The following EFEMP1 variants were observed in gnomAD, a reference collection of about 807,000 sequenced individuals.
EFEMP1 encodes the protein EGF-containing fibulin-like extracellular matrix protein 1.
In EFEMP1, 18 loss-of-function variants were observed where a neutral mutation model predicts 65.7. That is an observed-to-expected ratio of 0.27 (90% CI 0.19 to 0.41). The LOEUF (loss-of-function observed/expected upper bound fraction) is 0.41. Ranked by LOEUF, EFEMP1 falls within the 10% of genes least tolerant of loss-of-function variation. The pLI, the probability that EFEMP1 is intolerant of heterozygous loss-of-function variation, is 1.00. For synonymous variants in EFEMP1, 237 were observed against 219.7 expected (o/e 1.08, Z -0.70); for missense variants, 469 against 624.8 (o/e 0.75, Z 2.66).
intron 5 of EFEMP1, among the ~76,000 whole-genome samples, chr2:55,912,639 G>C (rs1183422926): frequency 6.6e-6 from 1 of 152,098 alleles, no homozygotes; most frequent in Non-Finnish European, 1.5e-5. Flanking sequence ...TTTTAAATTT[G>C]AACCCTATGT....
At chr2:55,880,854 C>T (rs1425104278) in intron 6 of EFEMP1, among the ~76,000 whole-genome samples, 2 of 152,180 alleles carry the variant, frequency 1.3e-5, no homozygotes, top group East Asian at 1.9e-4. Flanking sequence ...ATAGAGCCTC[C>T]ATCACATGGT....
At chr2:55,918,768 T>G (rs1486464777) in intron 3 of EFEMP1, among the ~76,000 whole-genome samples, 2 of 145,164 alleles carry the variant, frequency 1.4e-5, no homozygotes, top group African/African-American at 5.0e-5. Context: ...CTTCAGCTCC[T>G]AAGGAACAGA....
intron 3 of EFEMP1, among the ~76,000 whole-genome samples, chr2:55,920,429 C>A (rs898014413): frequency 5.9e-5 from 9 of 152,168 alleles, no homozygotes; most frequent in Admixed American, 3.3e-4. Context: ...CAAACAAATT[C>A]TTTTAATAGT....
At chr2:55,872,620 A>T (rs1443470035) in intron 9 of EFEMP1, among the ~76,000 whole-genome samples, 1 of 152,086 alleles carries the variant, frequency 6.6e-6, no homozygotes, top group Non-Finnish European at 1.5e-5. Flanking sequence ...TAAATAATTC[A>T]TGCCTTGACT....
At chr2:55,893,167 A>C (rs1669697599) in intron 5 of EFEMP1, among the ~76,000 whole-genome samples, 1 of 152,280 alleles carries the variant, frequency 6.6e-6, no homozygotes, top group East Asian at 1.9e-4. Context: ...TGAGTTTCAG[A>C]ATTAGAGGAA....
chr2:55,894,819 G>T (rs1281643998), intron 5 of EFEMP1, among the ~76,000 whole-genome samples: 1 of 152,138 alleles, frequency 6.6e-6, no homozygotes, highest in East Asian at 1.9e-4. Flanking sequence ...AAAAATGAAA[G>T]AACTTAAGGC....
Position 55,867,169 on chromosome 2 carries a change from G to C in EFEMP1, c.1386C>G (p.Ile462Met). Residue 462 changes from isoleucine (I) to methionine (M), a missense_variant, in exon 12 of 12, where the codon ATC (isoleucine) becomes ATG (methionine). By Grantham distance (10) the Ile-to-Met change is conservative. Around this residue, in one of 3 missense-constraint regions of EFEMP1, gnomAD observed 399 missense variants for 528.2 expected, o/e 0.76. Transcript: ENST00000355426. The surrounding 1 kb of genome is among the most constrained non-coding windows in gnomAD (Gnocchi z 4.3). ...TGACTGTCAGCATCTCCAGGTCCAC[G>C]ATATGTTCTCTTGGTCCTGATAATG... Reference protein sequence around the residue: ...VKSLSGPREHIVDLEMLTVSS... With the variant: ...VKSLSGPREHMVDLEMLTVSS... 1 of 1,613,994 alleles carries C rather than the reference G, an allele frequency of 6.2e-7. No homozygotes were observed. Among genetic ancestry groups the C allele is most frequent in the African/African-American group, 1.3e-5 (1 of 75,036 alleles).
In EFEMP1 at chr2:55,885,006, T is replaced by C. The variant is rs116711550; in HGVS notation, c.518-3272A>G. 3.5e-3 allele frequency among the ~76,000 whole-genome samples: 537 copies of C among 152,314 alleles called. 2 individuals carry two copies. The highest frequency in any genetic ancestry group is 0.012 in the African/African-American group (493 of 41,562). The stretch of plus-strand genomic sequence containing the variant: ...TTCAGGAAAAGTAGGATCAGTGTTT[T>C]ACCTAATGGAGCTAAAAATGTATGA... On this transcript the variant is annotated intron_variant, in intron 5 of 11. Coordinates refer to ENST00000355426, the MANE Select transcript of EFEMP1 (RefSeq NM_001039348.3). The surrounding 1 kb of genome is among the most constrained non-coding windows in gnomAD (Gnocchi z 4.3).
rs180734757 is a variant in EFEMP1, at chr2:55,898,241, G to C, written c.518-16507C>G. On this transcript the variant is annotated intron_variant, in intron 5 of 11. Transcript: ENST00000355426. ...TACACCATCTTGTTAATTTGTAATT[G>C]ATGCTTATCTTTGTAATACCTACGA... Among the ~76,000 whole-genome samples the C allele has an allele frequency of 1.6e-3, 237 of 152,242 alleles. 1 individual carries two copies. Among genetic ancestry groups the C allele is most frequent in the African/African-American group, 5.3e-3 (220 of 41,550 alleles).
At chr2:55,915,688 T>C (rs1422374468) in intron 5 of EFEMP1, among the ~76,000 whole-genome samples, 1 of 152,158 alleles carries the variant, frequency 6.6e-6, no homozygotes, top group African/African-American at 2.4e-5. Flanking sequence ...TAATTCAGTA[T>C]ATAAAAGTTG....
rs746396165 is a variant in EFEMP1 at position 55,918,048 on chromosome 2, A to G, written c.134T>C (p.Ile45Thr). The G allele has an allele frequency of 3.7e-5, 60 of 1,614,114 alleles. No homozygotes were observed. The highest frequency in any genetic ancestry group is 4.7e-5 in the Non-Finnish European group (56 of 1,180,054). The change falls in exon 5 of 12, where the codon ATT becomes ACT. Residue 45 changes from isoleucine to threonine, a missense_variant. By Grantham distance (89) the Ile-to-Thr change is moderately conservative. This residue lies in a region of EFEMP1 where 66 missense variants were observed against 73.0 expected (regional missense o/e 0.90). Transcript: ENST00000355426. ...GTCTGGGACAATGTCACATTCATCA[A>G]TATCTGTGGTCAGTAATAAAATAAG... Reference protein sequence around the residue: ...WDPVRQQCKDIDECDIVPDAC... With the variant: ...WDPVRQQCKDTDECDIVPDAC...
chr2:55,878,803 C>T (rs1235619812), intron 6 of EFEMP1, among the ~76,000 whole-genome samples: 1 of 152,114 alleles, frequency 6.6e-6, no homozygotes, highest in Non-Finnish European at 1.5e-5. Flanking sequence ...CTTAACTTCT[C>T]GAGCTTGCAT....
chr2:55,875,333 TATACACAC>T (rs1668987316), intron 8 of EFEMP1, among the ~76,000 whole-genome samples: 1 of 126,880 alleles, frequency 7.9e-6, no homozygotes, highest in African/African-American at 3.1e-5. Flanking sequence ...GGGTTTCATA[TATACACAC>T]ACACACACAC....
chr2:55,915,194 C>T (rs1223257447), intron 5 of EFEMP1, among the ~76,000 whole-genome samples: 2 of 152,160 alleles, frequency 1.3e-5, no homozygotes, highest in Non-Finnish European at 2.9e-5. Flanking sequence ...ACTTTTAACC[C>T]TGCTTTCAAT....
At chr2:55,906,904 A>G (rs1670301905) in intron 5 of EFEMP1, among the ~76,000 whole-genome samples, 1 of 152,202 alleles carries the variant, frequency 6.6e-6, no homozygotes, top group Admixed American at 6.5e-5. Flanking sequence ...CAAATCTCTG[A>G]GAAAGATTAG....
Position 55,874,986 on chromosome 2 carries a change from G to A in EFEMP1, c.960C>T (p.Cys320=), listed in dbSNP as rs925479971. 2 of 1,609,182 alleles carry A rather than the reference G, an allele frequency of 1.2e-6. No individual in the cohort carries two copies. Among genetic ancestry groups the A allele is most frequent in the African/African-American group, 1.3e-5 (1 of 74,634 alleles). ...TTCTCACCACTTGGTATCCCTGGGG[G>A]CACATACATGAGAATTTCCCAGGTT... ...VNEPGKFSCM[C]PQGYQVVRSR... The change falls in exon 9 of 12, where the codon TGC becomes TGT. Residue 320 remains cysteine (C), a synonymous_variant. Coordinates refer to ENST00000355426, the MANE Select transcript of EFEMP1 (RefSeq NM_001039348.3).
At chr2:55,896,764 G>A (rs895184729) in intron 5 of EFEMP1, among the ~76,000 whole-genome samples, 1 of 152,164 alleles carries the variant, frequency 6.6e-6, no homozygotes, top group Non-Finnish European at 1.5e-5. Flanking sequence ...CATTTCATGT[G>A]GATTTGCATA....
intron 5 of EFEMP1, among the ~76,000 whole-genome samples, chr2:55,896,948 A>T (rs775209878): frequency 3.3e-5 from 5 of 152,202 alleles, no homozygotes; most frequent in Non-Finnish European, 5.9e-5. Flanking sequence ...TATGCAGAAC[A>T]ACTTGCTCTT....
At chr2:55,905,719 GAT>G (rs1245528791) in intron 5 of EFEMP1, among the ~76,000 whole-genome samples, 1 of 152,122 alleles carries the variant, frequency 6.6e-6, no homozygotes, top group East Asian at 1.9e-4. Context: ...AAAGTGCTGG[GAT>G]TACAGGTGTG....
Sources: allele counts gnomAD v4.1 joint callset (sites outside exome capture counted in the v4.1 genomes callset), GRCh38; gene constraint gnomAD v4.1.1; regional missense constraint gnomAD v4.1.1; non-coding constraint Gnocchi (gnomAD v3.1); transcripts MANE v1.5; gene names NCBI Gene and HGNC (gene_info 2026-07-23, HGNC 2026-07-21).